The following FGF12 variants were observed in gnomAD, a reference collection of about 807,000 sequenced individuals.
FGF12 encodes the protein fibroblast growth factor 12B.
A neutral mutation model predicts 23.6 loss-of-function variants in FGF12; 14 were observed. The ratio of observed to expected loss-of-function variants is 0.59; its 90% confidence interval spans 0.39 to 0.93. The LOEUF is 0.93. Among genes scored for constraint, FGF12 ranks in the 40% least tolerant of loss-of-function variants. The pLI is 0.00. For missense variants in FGF12, 175 were observed against 217.8 expected (o/e 0.80, Z 1.24); for synonymous variants, 62 against 77.3 (o/e 0.80, Z 1.04).
chr3:192,300,004 G>T (rs947459155), intron 4 of FGF12, among the ~76,000 whole-genome samples: 2 of 152,142 alleles, frequency 1.3e-5, no homozygotes, highest in Non-Finnish European at 1.5e-5. Flanking sequence ...GTGCTCATGT[G>T]ATGCTCCACC....
intron 2 of FGF12, among the ~76,000 whole-genome samples, chr3:192,699,393 C>T (rs1718225027): frequency 6.6e-6 from 1 of 152,174 alleles, no homozygotes; most frequent in South Asian, 2.1e-4. Context: ...AAAAGCTATA[C>T]TTGAAACATC....
chr3:192,213,013 C>G (rs1173903904), intron 4 of FGF12, among the ~76,000 whole-genome samples: 1 of 152,218 alleles, frequency 6.6e-6, no homozygotes, highest in Non-Finnish European at 1.5e-5. Flanking sequence ...TACCAATGGT[C>G]TTTGTCCCAT....
At chr3:192,254,900 C>A (rs975870399) in intron 4 of FGF12, among the ~76,000 whole-genome samples, 2 of 151,972 alleles carry the variant, frequency 1.3e-5, no homozygotes, top group African/African-American at 4.8e-5. Context: ...TTATTTGGAA[C>A]ATTAGGTAAC....
chr3:192,339,842 G>C (rs1717608855), intron 3 of FGF12, among the ~76,000 whole-genome samples: 1 of 152,126 alleles, frequency 6.6e-6, no homozygotes, highest in South Asian at 2.1e-4. Flanking sequence ...GAGGGTAGTT[G>C]CTGTAATGTC....
intron 3 of FGF12, among the ~76,000 whole-genome samples, chr3:192,341,292 T>C (rs1053652098): frequency 6.6e-6 from 1 of 152,110 alleles, no homozygotes; most frequent in Admixed American, 6.6e-5. Flanking sequence ...TATTAAAGGA[T>C]CACTTTGATT....
intron 2 of FGF12, among the ~76,000 whole-genome samples, chr3:192,685,196 G>T (rs929041927): frequency 6.6e-6 from 1 of 151,984 alleles, no homozygotes. Context: ...GATTACAGGG[G>T]CCCGCCACCA....
rs561042593 is a variant in FGF12, at chr3:192,588,103, T to C, written c.13+139078A>G. On this transcript the variant is annotated intron_variant, in intron 2 of 5. Transcript: ENST00000445105. ...GCTCACGCCTGTAATCGCAGCACTTTAGGAGGCCGAGGTGGGTGAATAACC... is the reference window on the plus strand; with the variant it reads ...GCTCACGCCTGTAATCGCAGCACTTCAGGAGGCCGAGGTGGGTGAATAACC... Among the ~76,000 whole-genome samples the C allele has an allele frequency of 6.0e-3, 915 of 151,498 alleles. 18 individuals carry two copies. The highest frequency in any genetic ancestry group is 0.014 in the Middle Eastern group (4 of 294).
At chr3:192,656,326 G>C (rs971093763) in intron 2 of FGF12, among the ~76,000 whole-genome samples, 4 of 144,882 alleles carry the variant, frequency 2.8e-5, no homozygotes, top group South Asian at 2.2e-4. Flanking sequence ...CACACAGAGA[G>C]AGAATTATAG....
At chr3:192,658,856 A>C (rs75536131) in intron 2 of FGF12, among the ~76,000 whole-genome samples, 4,766 of 152,198 alleles carry the variant, frequency 0.031, 274 homozygotes, top group African/African-American at 0.11. Flanking sequence ...TTTGTTCTAA[A>C]AAACAAACAA....
chr3:192,439,547 C>T (rs978583916), intron 2 of FGF12, among the ~76,000 whole-genome samples: 2 of 152,120 alleles, frequency 1.3e-5, no homozygotes, highest in South Asian at 4.1e-4. Flanking sequence ...CTTGGGGATA[C>T]AATGGTGAGC....
intron 4 of FGF12, among the ~76,000 whole-genome samples, chr3:192,258,655 T>C (rs1444410195): frequency 6.6e-6 from 1 of 152,124 alleles, no homozygotes; most frequent in Non-Finnish European, 1.5e-5. Context: ...TTTGAAGCAT[T>C]TTATTTTTAT....
intron 4 of FGF12, among the ~76,000 whole-genome samples, chr3:192,279,230 GTA>G (rs59504943): frequency 0.1 from 13,656 of 131,782 alleles, 1,539 homozygotes; most frequent in African/African-American, 0.28. Context: ...TAATGTATGA[GTA>G]TATATATATA....
intron 4 of FGF12, among the ~76,000 whole-genome samples, chr3:192,328,853 G>A (rs1044992754): frequency 2.0e-5 from 3 of 152,146 alleles, no homozygotes; most frequent in Non-Finnish European, 4.4e-5. Context: ...TATGCAGTCT[G>A]GTGCCTGAGA....
chr3:192,726,009 C>T (rs1373235165), intron 2 of FGF12, among the ~76,000 whole-genome samples: 1 of 152,260 alleles, frequency 6.6e-6, no homozygotes, highest in East Asian at 1.9e-4. Flanking sequence ...GTTGATTCAG[C>T]TCTTTTTATA....
At chr3:192,581,654 T>G (rs1489141033) in intron 2 of FGF12, among the ~76,000 whole-genome samples, 1 of 152,020 alleles carries the variant, frequency 6.6e-6, no homozygotes, top group African/African-American at 2.4e-5. Context: ...CCATCACTCT[T>G]TGTGGACTTT....
At chr3:192,678,581 G>A (rs1295363455) in intron 2 of FGF12, among the ~76,000 whole-genome samples, 2 of 152,100 alleles carry the variant, frequency 1.3e-5, no homozygotes, top group East Asian at 1.9e-4. Flanking sequence ...TTTTTGCCTG[G>A]TAGTTGTTTA....
At chr3:192,367,849 T>G (rs899802562) in intron 2 of FGF12, among the ~76,000 whole-genome samples, 1 of 152,086 alleles carries the variant, frequency 6.6e-6, no homozygotes, top group South Asian at 2.1e-4. Flanking sequence ...GATCTCCCCA[T>G]TGGTCAAATG....
At chr3:192,365,461 A>C (rs1007038657) in intron 2 of FGF12, among the ~76,000 whole-genome samples, 8 of 152,132 alleles carry the variant, frequency 5.3e-5, no homozygotes, top group Non-Finnish European at 1.5e-5. Context: ...TACTGTAATG[A>C]TATAGATTCT....
At chr3:192,288,573 A>G (rs1340430146) in intron 4 of FGF12, among the ~76,000 whole-genome samples, 1 of 152,092 alleles carries the variant, frequency 6.6e-6, no homozygotes, top group African/African-American at 2.4e-5. Flanking sequence ...GTTTCCACTT[A>G]ACAGCCTGAA....
Sources: allele counts gnomAD v4.1 joint callset (sites outside exome capture counted in the v4.1 genomes callset), GRCh38; gene constraint gnomAD v4.1.1; transcripts MANE v1.5; gene names NCBI Gene and HGNC (gene_info 2026-07-23, HGNC 2026-07-21).